SCN2B: variants seen among roughly 807,000 people sequenced by gnomAD.
SCN2B encodes the protein sodium voltage-gated channel beta subunit 2.
Under a neutral mutation model 18.2 loss-of-function variants are expected in SCN2B, and 14 were observed. The ratio of observed to expected loss-of-function variants is 0.77; its 90% confidence interval spans 0.51 to 1.21. The LOEUF is 1.21. Among genes scored for constraint, SCN2B ranks in the 50% most tolerant of loss-of-function variants. The pLI is 0.00. For missense variants in SCN2B, 262 were observed against 286.9 expected (o/e 0.91, Z 0.63); for synonymous variants, 115 against 115.3 (o/e 1.00, Z 0.02).
chr11:118,170,534 A>T (rs752722952), intron 1 of SCN2B, among the ~76,000 whole-genome samples: 1 of 151,998 alleles, frequency 6.6e-6, no homozygotes, highest in Non-Finnish European at 1.5e-5. Context: ...TGGAATTAGG[A>T]GTTTCCTCTT....
intron 1 of SCN2B, among the ~76,000 whole-genome samples, chr11:118,170,328 G>C (rs1363251841): frequency 6.6e-6 from 1 of 152,194 alleles, no homozygotes. Flanking sequence ...CCTGAAGTGA[G>C]AGAGTGAGCC....
In SCN2B at chr11:118,168,474, C is replaced by G; in HGVS notation, c.237+111G>C. ...GAGCCTCCAGAGCACGCAGCCCACC[C>G]AGGGTCCTCTGGGGCCCTAGCGCAG... On this transcript the variant is annotated intron_variant, in intron 2 of 3. Transcript: ENST00000278947. The surrounding 1 kb of genome is among the most constrained non-coding windows in gnomAD (Gnocchi z 4.7). 1 of 1,471,892 alleles carries G rather than the reference C, an allele frequency of 6.8e-7. No individual in the cohort carries two copies. The highest frequency in any genetic ancestry group is 1.7e-5 in the Admixed American group (1 of 59,622). 91.2% of individuals were successfully genotyped at this position (1,471,892 alleles called of 1,614,324 possible). A position where few individuals can be genotyped will look rare whatever the true frequency, so the allele number is the denominator to read the frequency against.
In SCN2B at chr11:118,168,595, G is replaced by A. The variant is rs1378668002; in HGVS notation, c.227C>T (p.Ser76Phe). 2.5e-6 allele frequency: 4 copies of A among 1,614,202 alleles called. No homozygotes were observed. In the South Asian group the frequency reaches 4.4e-5, roughly 18 times the overall value. Residue 76 changes from serine to phenylalanine, a missense_variant, in exon 2 of 4, where the codon TCT becomes TTT. Ser to Phe is a radical substitution (Grantham distance 155). Coordinates refer to ENST00000278947, the MANE Select transcript of SCN2B (RefSeq NM_004588.5). This position sits in a 1 kb window ranked among gnomAD's most constrained non-coding sequence, Gnocchi z 4.7. ...CAGCCCAGGACTCACCATCTCCTCA[G>A]AGCAGTTGTTGCACTCCTGGTAAGT... Reference protein sequence around the residue: ...NWTYQECNNCSEEMFLQFRMK... With the variant: ...NWTYQECNNCFEEMFLQFRMK...
chr11:118,173,722 T>C (rs764065452), intron 1 of SCN2B, among the ~76,000 whole-genome samples: 26 of 152,208 alleles, frequency 1.7e-4, no homozygotes, highest in Non-Finnish European at 3.7e-4. Flanking sequence ...TGTTTCCCTC[T>C]AGAGGCTCCG....
chr11:118,175,328 A>G (rs1948460888), intron 1 of SCN2B, among the ~76,000 whole-genome samples: 1 of 152,216 alleles, frequency 6.6e-6, no homozygotes, highest in Non-Finnish European at 1.5e-5. Flanking sequence ...ATTCCATAGC[A>G]TTCCTGCTCT....
intron 1 of SCN2B, among the ~76,000 whole-genome samples, chr11:118,173,529 A>G (rs2134621082): frequency 1.3e-5 from 2 of 152,308 alleles, no homozygotes; most frequent in South Asian, 4.1e-4. Flanking sequence ...TCTGTAATAT[A>G]GGGGACAATA....
chr11:118,170,710 C>A (rs779210614), intron 1 of SCN2B, among the ~76,000 whole-genome samples: 1 of 152,110 alleles, frequency 6.6e-6, no homozygotes, highest in Non-Finnish European at 1.5e-5. Flanking sequence ...AGAGTGGGGG[C>A]TACTCCTTTG....
chr11:118,174,943 A>G (rs942681812), intron 1 of SCN2B, among the ~76,000 whole-genome samples: 9 of 152,228 alleles, frequency 5.9e-5, no homozygotes, highest in African/African-American at 1.9e-4. Flanking sequence ...TACTGTTAAT[A>G]TAGCAGTGCC....
chr11:118,166,696 T>A lies in SCN2B; in HGVS notation c.*191A>T. On this transcript the variant is annotated 3_prime_UTR_variant, in exon 4 of 4. Coordinates refer to ENST00000278947, the MANE Select transcript of SCN2B (RefSeq NM_004588.5). The stretch of plus-strand genomic sequence containing the variant: ...CCACACGTCCCAGAGCATGGCAGGT[T>A]TCTCGGATGGAAGAGAGTGGGTCAC... 1.5e-6 allele frequency: 1 copy of A among 660,814 alleles called. No homozygotes were observed. Among genetic ancestry groups the A allele is most frequent in the Non-Finnish European group, 2.7e-6 (1 of 376,062 alleles). The allele number at this position is 660,814 out of a possible 1,614,324, so 40.9% of individuals were successfully genotyped here. A position where few individuals can be genotyped will look rare whatever the true frequency, so the allele number is the denominator to read the frequency against.
chr11:118,170,717 T>G (rs996554614), intron 1 of SCN2B, among the ~76,000 whole-genome samples: 1 of 152,144 alleles, frequency 6.6e-6, no homozygotes, highest in African/African-American at 2.4e-5. Flanking sequence ...GGGCTACTCC[T>G]TTGTAAAACG....
At position 118,166,686 on chromosome 11, in the gene SCN2B, C is replaced by T. The variant is rs2135517304; in HGVS notation, c.*201G>A. 7.8e-6 allele frequency: 5 copies of T among 643,192 alleles called. No individual in the cohort carries two copies. In the South Asian group the frequency reaches 9.0e-5, roughly 12 times the overall value. The allele number at this position is 643,192 out of a possible 1,614,324, so 39.8% of individuals were successfully genotyped here. A position where few individuals can be genotyped will look rare whatever the true frequency, so the allele number is the denominator to read the frequency against. On this transcript the variant is annotated 3_prime_UTR_variant, in exon 4 of 4. Transcript: ENST00000278947. ...TCCCCAGGGCCCACACGTCCCAGAG[C>T]ATGGCAGGTTTCTCGGATGGAAGAG...
intron 1 of SCN2B, among the ~76,000 whole-genome samples, chr11:118,176,078 G>A (rs1032230359): frequency 6.6e-6 from 1 of 152,040 alleles, no homozygotes; most frequent in Non-Finnish European, 1.5e-5. Flanking sequence ...CTGCCCCACC[G>A]CCACGTAGGT....
chr11:118,174,065 C>T (rs562094942), intron 1 of SCN2B, among the ~76,000 whole-genome samples: 1 of 150,460 alleles, frequency 6.6e-6, no homozygotes, highest in East Asian at 1.9e-4. Context: ...AGGTACATGC[C>T]ACCATGCCTG....
Position 118,172,892 on chromosome 11 carries a change from G to GT in SCN2B, c.70+3469dup, listed in dbSNP as rs11358502. On this transcript the variant is annotated intron_variant, in intron 1 of 3. Coordinates refer to ENST00000278947, the MANE Select transcript of SCN2B (RefSeq NM_004588.5). ...CTATGAGGTAATTATTTTCTTCTTG[G>GT]TTTTTTTTTTTTTTTTTAAGTGTCT... Among the ~76,000 whole-genome samples the GT allele has an allele frequency of 2.9e-3, 416 of 144,026 alleles. 1 individual carries two copies. Among genetic ancestry groups the GT allele is most frequent in the Middle Eastern group, 0.011 (3 of 278 alleles). The allele number at this position is 144,026 out of a possible 152,430, so 94.5% of individuals were successfully genotyped here.
chr11:118,168,752 C>T lies in SCN2B; in HGVS notation c.71-1G>A, dbSNP rs758825110. 8 of 1,613,974 alleles carry T rather than the reference C, an allele frequency of 5.0e-6. No homozygotes were observed. In the East Asian group the frequency reaches 1.8e-4, roughly 36 times the overall value. On this transcript the variant is annotated splice_acceptor_variant, in intron 1 of 3. Transcript: ENST00000278947. LOFTEE classifies it high-confidence loss of function. The surrounding 1 kb of genome is among the most constrained non-coding windows in gnomAD (Gnocchi z 4.7). ...ACCTCCATGCTCCGTCCTGGTGGCA[C>T]TGCAGATGAAGCCACAAGCTGGTGA...
rs1948398201 is a variant in SCN2B, at chr11:118,167,995, C to G, written c.448+90G>C. Reference sequence around the variant, plus strand: ...TGGTTGCTCCCATCCTCAGGAGGGCCTGGCCTCCCCAAAGTGCCCTGAGCA... The same window carrying G: ...TGGTTGCTCCCATCCTCAGGAGGGCGTGGCCTCCCCAAAGTGCCCTGAGCA... On this transcript the variant is annotated intron_variant, in intron 3 of 3. Transcript: ENST00000278947. 3.7e-6 allele frequency: 4 copies of G among 1,079,220 alleles called. No individual in the cohort carries two copies. In the South Asian group the frequency reaches 5.4e-5, roughly 14 times the overall value. 66.9% of individuals were successfully genotyped at this position (1,079,220 alleles called of 1,614,324 possible). A position where few individuals can be genotyped will look rare whatever the true frequency, so the allele number is the denominator to read the frequency against.
rs921289253 is a variant in SCN2B at position 118,166,124 on chromosome 11, AC to A, written c.*762del. 6 of 152,816 alleles carry A rather than the reference AC, an allele frequency of 3.9e-5. No individual in the cohort carries two copies. The highest frequency in any genetic ancestry group is 1.4e-4 in the African/African-American group (6 of 41,456). 9.5% of individuals were successfully genotyped at this position (152,816 alleles called of 1,614,324 possible). On this transcript the variant is annotated 3_prime_UTR_variant, in exon 4 of 4. Coordinates refer to ENST00000278947, the MANE Select transcript of SCN2B (RefSeq NM_004588.5). ...CCTCAGCCCCTCAGCTGACTTTGAA[AC>A]TGGCCTCTGTTGGTGGGTCCCCGCT... is the stretch of plus-strand genomic sequence containing the variant.
chr11:118,175,394 CTG>C (rs1200975806), intron 1 of SCN2B, among the ~76,000 whole-genome samples: 4 of 152,340 alleles, frequency 2.6e-5, no homozygotes, highest in Admixed American at 6.5e-5. Context: ...TCTGCACTGT[CTG>C]TGTTTAGCAC....
At position 118,176,354 on chromosome 11, in the gene SCN2B, T is replaced by A; in HGVS notation, c.70+8A>T. 1.2e-6 allele frequency: 2 copies of A among 1,613,380 alleles called. No homozygotes were observed. Among genetic ancestry groups the A allele is most frequent in the Non-Finnish European group, 1.7e-6 (2 of 1,179,390 alleles). Reference sequence around the variant, plus strand: ...ACCCTCGGGAGCATGCAGATGTGTCTAACTTACCCAAAGAGAAAAAGAGAC... The same window carrying A: ...ACCCTCGGGAGCATGCAGATGTGTCAAACTTACCCAAAGAGAAAAAGAGAC... On this transcript the variant is annotated splice_region_variant and intron_variant, in intron 1 of 3. Coordinates refer to ENST00000278947, the MANE Select transcript of SCN2B (RefSeq NM_004588.5).
Sources: allele counts gnomAD v4.1 joint callset (sites outside exome capture counted in the v4.1 genomes callset), GRCh38; gene constraint gnomAD v4.1.1; non-coding constraint Gnocchi (gnomAD v3.1); transcripts MANE v1.5; gene names NCBI Gene and HGNC (gene_info 2026-07-23, HGNC 2026-07-21).